The following PDE4D variants were observed in gnomAD, a reference collection of about 807,000 sequenced individuals.
PDE4D encodes 3',5'-cyclic-AMP phosphodiesterase 4D.
Under a neutral mutation model 87.4 loss-of-function variants are expected in PDE4D, and 24 were observed. The observed-to-expected ratio is 0.27, with a 90% CI of 0.20 to 0.39. PDE4D has a LOEUF of 0.39. PDE4D is among the 10% of genes least tolerant of loss of function. The probability of loss-of-function intolerance (pLI) is 1.00; values close to 1 mark genes in which losing one functional copy is unlikely to be tolerated. For synonymous variants in PDE4D, 384 were observed against 383.2 expected, an observed-to-expected ratio of 1.00 and a Z score of -0.02; for missense variants, 714 against 1,041.0, an observed-to-expected ratio of 0.69 and a Z score of 4.32.
intron 1 of PDE4D, among the ~76,000 whole-genome samples, chr5:60,237,807 G>C (rs975744390): frequency 2.6e-5 from 4 of 151,958 alleles, no homozygotes; most frequent in Admixed American, 1.3e-4. Context: ...GTAATGCAAG[G>C]CATAATCATT....
At chr5:59,483,754 C>A (rs1804647440) in intron 1 of PDE4D, among the ~76,000 whole-genome samples, 1 of 152,146 alleles carries the variant, frequency 6.6e-6, no homozygotes, top group African/African-American at 2.4e-5. Flanking sequence ...CCTGCTAAGG[C>A]TGGATGTCTG....
chr5:60,463,030 C>A (rs1747080389), intron 1 of PDE4D, among the ~76,000 whole-genome samples: 1 of 152,110 alleles, frequency 6.6e-6, no homozygotes, highest in Admixed American at 6.6e-5. Flanking sequence ...ACCCGTGAAA[C>A]AAGAGAACCA....
intron 1 of PDE4D, among the ~76,000 whole-genome samples, chr5:60,363,433 A>C (rs1007017590): frequency 5.3e-5 from 8 of 152,342 alleles, no homozygotes; most frequent in Non-Finnish European, 1.2e-4. Context: ...TTACAAGTAA[A>C]GCCACTGAAT....
At chr5:59,054,761 TA>T (rs1245843620) in intron 5 of PDE4D, among the ~76,000 whole-genome samples, 1 of 152,172 alleles carries the variant, frequency 6.6e-6, no homozygotes, top group Admixed American at 6.5e-5. Context: ...TTTTCTATTT[TA>T]TTTAATTTTA....
chr5:59,141,515 T>C (rs1777882868), intron 5 of PDE4D, among the ~76,000 whole-genome samples: 1 of 152,200 alleles, frequency 6.6e-6, no homozygotes. Flanking sequence ...AAAGTAAATG[T>C]GGTTAAGAGC....
intron 1 of PDE4D, among the ~76,000 whole-genome samples, chr5:59,419,346 C>G (rs2153626399): frequency 6.6e-6 from 1 of 152,226 alleles, no homozygotes; most frequent in Middle Eastern, 3.4e-3. Context: ...TTTTGCATTC[C>G]TAGCTGAAAA....
chr5:60,288,175 C>A (rs1192999295), intron 1 of PDE4D, among the ~76,000 whole-genome samples: 3 of 152,148 alleles, frequency 2.0e-5, no homozygotes. Flanking sequence ...AGCATTTTTC[C>A]CCCTCAAATC....
intron 1 of PDE4D, among the ~76,000 whole-genome samples, chr5:60,376,929 A>G (rs1157859625): frequency 6.6e-6 from 1 of 152,202 alleles, no homozygotes; most frequent in Non-Finnish European, 1.5e-5. Context: ...AGAGCCTTTC[A>G]TCACAACTTG....
chr5:59,516,894 A>C (rs1811262416), intron 1 of PDE4D, among the ~76,000 whole-genome samples: 1 of 152,066 alleles, frequency 6.6e-6, no homozygotes, highest in African/African-American at 2.4e-5. Context: ...TTCTTTCTCC[A>C]ATACTCCTTG....
chr5:59,219,152 A>G (rs889826888), intron 1 of PDE4D, among the ~76,000 whole-genome samples: 12 of 151,462 alleles, frequency 7.9e-5, no homozygotes, highest in Admixed American at 5.9e-4. Flanking sequence ...TATGTATCTA[A>G]CCTGCACAAT....
At chr5:59,020,468 G>A (rs894210469) in intron 6 of PDE4D, among the ~76,000 whole-genome samples, 4 of 148,524 alleles carry the variant, frequency 2.7e-5, no homozygotes, top group Non-Finnish European at 3.0e-5. Context: ...GCAAGACTCC[G>A]TCTCAGAAAA....
At chr5:60,110,535 T>C (rs1480128690) in intron 2 of PDE4D, among the ~76,000 whole-genome samples, 1 of 152,086 alleles carries the variant, frequency 6.6e-6, no homozygotes, top group Non-Finnish European at 1.5e-5. Flanking sequence ...AAAAGGCAAC[T>C]TTTATACATT....
chr5:60,113,745 G>A (rs1777894752), intron 2 of PDE4D, among the ~76,000 whole-genome samples: 1 of 152,042 alleles, frequency 6.6e-6, no homozygotes, highest in Non-Finnish European at 1.5e-5. Context: ...TATCTCTCTT[G>A]TGTCTTCAAC....
intron 5 of PDE4D, among the ~76,000 whole-genome samples, chr5:59,072,993 C>T (rs1765097573): frequency 6.6e-6 from 1 of 152,086 alleles, no homozygotes; most frequent in African/African-American, 2.4e-5. Flanking sequence ...GAAACTTGCT[C>T]TAAATATTTT....
chr5:59,681,345 A>G (rs1309712932), intron 1 of PDE4D, among the ~76,000 whole-genome samples: 1 of 152,182 alleles, frequency 6.6e-6, no homozygotes, highest in Non-Finnish European at 1.5e-5. Flanking sequence ...ATGACTCCAC[A>G]CAGAAACAAG....
intron 1 of PDE4D, among the ~76,000 whole-genome samples, chr5:59,707,123 T>TA (rs1753533528): frequency 6.6e-6 from 1 of 152,200 alleles, no homozygotes; most frequent in Non-Finnish European, 1.5e-5. Flanking sequence ...AACATTATTT[T>TA]AAAAACTGTA....
intron 1 of PDE4D, among the ~76,000 whole-genome samples, chr5:59,686,393 C>T (rs1749865748): frequency 6.6e-6 from 1 of 152,102 alleles, no homozygotes; most frequent in Non-Finnish European, 1.5e-5. Flanking sequence ...GTCGCTCACA[C>T]AACTAGAAAG....
chr5:60,077,582 C>T (rs1203418072), intron 2 of PDE4D, among the ~76,000 whole-genome samples: 1 of 152,166 alleles, frequency 6.6e-6, no homozygotes, highest in Non-Finnish European at 1.5e-5. Context: ...TCAAGGTGGA[C>T]TGCCATTTCA....
intron 1 of PDE4D, among the ~76,000 whole-genome samples, chr5:59,498,529 C>G (rs1807641048): frequency 6.6e-6 from 1 of 151,458 alleles, no homozygotes; most frequent in Admixed American, 6.6e-5. Context: ...TTCAAGATAC[C>G]CATTTCACTT....
Sources: allele counts gnomAD v4.1 joint callset (sites outside exome capture counted in the v4.1 genomes callset), GRCh38; gene constraint gnomAD v4.1.1; transcripts MANE v1.5; gene names NCBI Gene and HGNC (gene_info 2026-07-23, HGNC 2026-07-21).